SLC6A11: variants seen among roughly 807,000 people sequenced by gnomAD.
SLC6A11 encodes the protein sodium- and chloride-dependent GABA transporter 3.
SLC6A11 carries 25 observed loss-of-function variants against 74.8 expected under a neutral mutation model. The observed-to-expected ratio is 0.33, with a 90% CI of 0.24 to 0.47. The LOEUF (loss-of-function observed/expected upper bound fraction) is 0.47. SLC6A11 is among the 20% of genes least tolerant of loss of function. The pLI, the probability that SLC6A11 is intolerant of heterozygous loss-of-function variation, is 1.00. For missense variants in SLC6A11, 574 were observed against 837.0 expected (o/e 0.69, Z 3.88); for synonymous variants, 330 against 330.2 (o/e 1.00, Z 0.01).
intron 3 of SLC6A11, among the ~76,000 whole-genome samples, chr3:10,822,559 G>A (rs1166817945): frequency 1.3e-5 from 2 of 152,128 alleles, no homozygotes; most frequent in African/African-American, 2.4e-5. Context: ...TTGCTTGGAG[G>A]GCCTTTGAAT....
chr3:10,883,775 A>G (rs1180206300), intron 6 of SLC6A11, among the ~76,000 whole-genome samples: 1 of 152,130 alleles, frequency 6.6e-6, no homozygotes, highest in Non-Finnish European at 1.5e-5. Context: ...GGACTTTCAA[A>G]CAAAAATGTC....
intron 7 of SLC6A11, among the ~76,000 whole-genome samples, chr3:10,914,327 C>T (rs1037353460): frequency 1.3e-5 from 2 of 152,090 alleles, no homozygotes; most frequent in African/African-American, 2.4e-5. Flanking sequence ...GCTAGCTTAG[C>T]GGTCACATTA....
intron 6 of SLC6A11, among the ~76,000 whole-genome samples, chr3:10,876,081 G>A (rs1694904015): frequency 6.6e-6 from 1 of 152,218 alleles, no homozygotes; most frequent in Non-Finnish European, 1.5e-5. Flanking sequence ...CTTGCAAGAA[G>A]TTTCAAGTCT....
At chr3:10,907,833 A>G (rs1695326067) in intron 6 of SLC6A11, among the ~76,000 whole-genome samples, 1 of 152,256 alleles carries the variant, frequency 6.6e-6, no homozygotes, top group African/African-American at 2.4e-5. Context: ...AACTCAGCTA[A>G]TATTATTTCC....
intron 5 of SLC6A11, among the ~76,000 whole-genome samples, chr3:10,851,464 A>G (rs1242419454): frequency 1.3e-5 from 2 of 151,254 alleles, no homozygotes; most frequent in Non-Finnish European, 2.9e-5. Context: ...AGCTGCAAAG[A>G]GCCTTGAATT....
chr3:10,882,696 TTG>T lies in SLC6A11; in HGVS notation c.891+7604_891+7605del, dbSNP rs558399364. Reference sequence around the variant, plus strand: ...GTGTTCTTTTGCGTTACGGTTGCAGTTGTGAGTGTGCTCTTCAGAAAGCGGTA... The same window carrying T: ...GTGTTCTTTTGCGTTACGGTTGCAGTTGAGTGTGCTCTTCAGAAAGCGGTA... On this transcript the variant is annotated intron_variant, in intron 6 of 13. Coordinates refer to ENST00000254488, the MANE Select transcript of SLC6A11 (RefSeq NM_014229.3). 1.5e-3 allele frequency among the ~76,000 whole-genome samples: 222 copies of T among 152,212 alleles called. 1 individual carries two copies. Among genetic ancestry groups the T allele is most frequent in the African/African-American group, 5.1e-3 (212 of 41,530 alleles).
At chr3:10,827,911 A>G (rs1261337234) in intron 4 of SLC6A11, among the ~76,000 whole-genome samples, 3 of 152,134 alleles carry the variant, frequency 2.0e-5, no homozygotes. Flanking sequence ...CCCACGAGAG[A>G]AGTTCAGGCC....
chr3:10,933,116 A>G (rs1297847668), intron 10 of SLC6A11, 35 bp from the exon 11 acceptor site: 2 of 1,490,280 alleles, frequency 1.3e-6, no homozygotes, highest in Non-Finnish European at 1.9e-6. Flanking sequence ...GTGTCCGTTC[A>G]CCTCCCATCC....
intron 6 of SLC6A11, among the ~76,000 whole-genome samples, chr3:10,909,086 A>G (rs569268933): frequency 6.9e-6 from 1 of 144,972 alleles, no homozygotes; most frequent in East Asian, 2.1e-4. Flanking sequence ...TGCCCCCAGC[A>G]GTTACAAGCT....
chr3:10,899,636 G>T (rs1276109432), intron 6 of SLC6A11, among the ~76,000 whole-genome samples: 1 of 152,180 alleles, frequency 6.6e-6, no homozygotes, highest in Non-Finnish European at 1.5e-5. Flanking sequence ...CTAGGCCTTT[G>T]CTTGTAGCAT....
rs1350332404 is a variant in SLC6A11 at position 10,940,018 on chromosome 3, C to G, written c.*1616C>G. The G allele has an allele frequency of 1.3e-5, 2 of 152,286 alleles. No individual in the cohort carries two copies. The highest frequency in any genetic ancestry group is 1.3e-4 in the Admixed American group (2 of 15,286). The allele number at this position is 152,286 out of a possible 1,614,324, so 9.4% of individuals were successfully genotyped here. On this transcript the variant is annotated 3_prime_UTR_variant, in exon 14 of 14. Coordinates refer to ENST00000254488, the MANE Select transcript of SLC6A11 (RefSeq NM_014229.3). Reference sequence around the variant, plus strand: ...GGCCTGAGTTTCCTGTAAGGGTCCTCTGTTTTTGATTCACCCAAAAGTCTG... The same window carrying G: ...GGCCTGAGTTTCCTGTAAGGGTCCTGTGTTTTTGATTCACCCAAAAGTCTG...
At chr3:10,851,356 G>A (rs1694573168) in intron 5 of SLC6A11, among the ~76,000 whole-genome samples, 1 of 151,634 alleles carries the variant, frequency 6.6e-6, no homozygotes, top group African/African-American at 2.4e-5. Context: ...CACTGCTTTG[G>A]GGCTCTGTTT....
chr3:10,865,158 G>A (rs957298260), intron 5 of SLC6A11, among the ~76,000 whole-genome samples: 1 of 152,238 alleles, frequency 6.6e-6, no homozygotes, highest in African/African-American at 2.4e-5. Context: ...TAATTATTGA[G>A]CTGTCTTCAT....
At chr3:10,852,993 C>T (rs1694595237) in intron 5 of SLC6A11, among the ~76,000 whole-genome samples, 1 of 152,174 alleles carries the variant, frequency 6.6e-6, no homozygotes, top group African/African-American at 2.4e-5. Context: ...CCGCCACTTG[C>T]CAACTGTGTG....
intron 4 of SLC6A11, among the ~76,000 whole-genome samples, chr3:10,841,402 C>T (rs1694435815): frequency 6.6e-6 from 1 of 152,214 alleles, no homozygotes; most frequent in African/African-American, 2.4e-5. Context: ...GGTTTCAAAA[C>T]AACCCCACTG....
At chr3:10,856,579 C>A (rs950233897) in intron 5 of SLC6A11, among the ~76,000 whole-genome samples, 1 of 152,188 alleles carries the variant, frequency 6.6e-6, no homozygotes, top group African/African-American at 2.4e-5. Flanking sequence ...AGGATTTAAA[C>A]CCAGGTCTAC....
chr3:10,938,212 T>TAATC, intron 13 of SLC6A11, 38 bp from the exon 14 acceptor site: 1 of 1,550,894 alleles, frequency 6.4e-7, no homozygotes. Context: ...CCCTGGCAGC[T>TAATC]AATCACTCAG....
At chr3:10,913,509 A>T (rs938208559) in intron 7 of SLC6A11, among the ~76,000 whole-genome samples, 2 of 152,210 alleles carry the variant, frequency 1.3e-5, no homozygotes, top group East Asian at 1.9e-4. Context: ...TATAATTTTT[A>T]AAAAATTGTT....
intron 5 of SLC6A11, among the ~76,000 whole-genome samples, 156 bp downstream of exon 5, chr3:10,844,502 C>G (rs1436442063): frequency 1.3e-5 from 2 of 152,156 alleles, no homozygotes; most frequent in Non-Finnish European, 2.9e-5. Flanking sequence ...CCCACCCTCA[C>G]CACTTATTGG....
Sources: allele counts gnomAD v4.1 joint callset (sites outside exome capture counted in the v4.1 genomes callset), GRCh38; gene constraint gnomAD v4.1.1; transcripts MANE v1.5; gene names NCBI Gene and HGNC (gene_info 2026-07-23, HGNC 2026-07-21).